NYAP2: variants seen among roughly 807,000 people sequenced by gnomAD.
NYAP2 encodes the protein neuronal tyrosine-phosphorylated phosphoinositide-3-kinase adapter 2.
A neutral mutation model predicts 50.4 loss-of-function variants in NYAP2; 23 were observed. The ratio of observed to expected loss-of-function variants is 0.46; its 90% CI spans 0.33 to 0.65. The LOEUF is 0.65. Among genes scored for constraint, NYAP2 ranks in the 30% least tolerant of loss-of-function variants. NYAP2 has a pLI of 0.02. For missense variants in NYAP2, 885 were observed against 861.0 expected (o/e 1.03, Z -0.35); for synonymous variants, 394 against 365.2 (o/e 1.08, Z -0.90).
At chr2:225,445,986 A>T (rs1689547147) in intron 3 of NYAP2, among the ~76,000 whole-genome samples, 2 of 151,950 alleles carry the variant, frequency 1.3e-5, no homozygotes, top group African/African-American at 4.8e-5. Flanking sequence ...TCATAGAGTT[A>T]TTGTGATTAT....
At chr2:225,595,973 T>A (rs1692590523) in intron 5 of NYAP2, among the ~76,000 whole-genome samples, 1 of 152,192 alleles carries the variant, frequency 6.6e-6, no homozygotes, top group Admixed American at 6.5e-5. Flanking sequence ...CTGATTCTTT[T>A]AAACCTTCAT....
intron 4 of NYAP2, among the ~76,000 whole-genome samples, chr2:225,571,343 A>T (rs1321161864): frequency 6.6e-6 from 1 of 152,182 alleles, no homozygotes; most frequent in Non-Finnish European, 1.5e-5. Flanking sequence ...CCCACCCCAC[A>T]TTTCCCTTCC....
intron 5 of NYAP2, among the ~76,000 whole-genome samples, chr2:225,614,827 G>T (rs1180231987): frequency 2.6e-5 from 4 of 152,304 alleles, no homozygotes; most frequent in South Asian, 2.1e-4. Context: ...TAGTCCAACT[G>T]CTATTGCAAA....
In NYAP2 at chr2:225,493,017, C is replaced by CA. The variant is rs373032067; in HGVS notation, c.222-20353dup. ...TTTTTTTTTTTTTTAGACAGGGTCT[C>CA]ACTGTGTCACCCAGGCTGGAGCGCA... is the stretch of plus-strand genomic sequence containing the variant. On this transcript the variant is annotated intron_variant, in intron 3 of 6. Transcript: ENST00000636099. 3.8e-3 allele frequency among the ~76,000 whole-genome samples: 578 copies of CA among 151,188 alleles called. 5 individuals are homozygous for CA. The highest frequency in any genetic ancestry group is 0.013 in the African/African-American group (547 of 41,122).
At chr2:225,500,916 T>C (rs1295171431) in intron 3 of NYAP2, among the ~76,000 whole-genome samples, 1 of 152,170 alleles carries the variant, frequency 6.6e-6, no homozygotes, top group Non-Finnish European at 1.5e-5. Flanking sequence ...TTTTGCAAAA[T>C]GGGGTACATA....
chr2:225,642,480 A>T (rs1301904684), intron 6 of NYAP2, among the ~76,000 whole-genome samples: 1 of 152,166 alleles, frequency 6.6e-6, no homozygotes, highest in Non-Finnish European at 1.5e-5. Context: ...ACAAGTGTAG[A>T]GAGGTCAAGC....
At chr2:225,446,239 T>TATATA (rs1689556491) in intron 3 of NYAP2, among the ~76,000 whole-genome samples, 1 of 102,864 alleles carries the variant, frequency 9.7e-6, no homozygotes, top group African/African-American at 4.3e-5. Flanking sequence ...TCTCTCTCTC[T>TATATA]CTCTCTCTAT....
chr2:225,689,752 ATTAGAG>A, the NYAP2 span, among the ~76,000 whole-genome samples: 19 of 152,168 alleles, frequency 1.2e-4, no homozygotes, highest in Non-Finnish European at 1.9e-4. Flanking sequence ...TGATCAGTAG[ATTAGAG>A]TTAAAGATGG....
intron 3 of NYAP2, among the ~76,000 whole-genome samples, chr2:225,493,458 A>G (rs1248068192): frequency 1.3e-5 from 2 of 152,232 alleles, no homozygotes; most frequent in Non-Finnish European, 2.9e-5. Flanking sequence ...AGGGTGACCA[A>G]CATAAGGGAA....
intron 4 of NYAP2, among the ~76,000 whole-genome samples, chr2:225,522,229 G>T (rs6724326): frequency 0.013 from 1,951 of 152,032 alleles, 50 homozygotes; most frequent in African/African-American, 0.043. Context: ...GTGTTTACAA[G>T]AACCAGCTAA....
chr2:225,646,713 C>T (rs868793213), intron 6 of NYAP2, among the ~76,000 whole-genome samples: 1 of 152,148 alleles, frequency 6.6e-6, no homozygotes, highest in Non-Finnish European at 1.5e-5. Flanking sequence ...ATGCTGGTAT[C>T]GAACATTAGA....
chr2:225,593,321 T>A (rs1439655831), intron 5 of NYAP2, among the ~76,000 whole-genome samples: 1 of 152,198 alleles, frequency 6.6e-6, no homozygotes, highest in African/African-American at 2.4e-5. Context: ...TATTAGATGC[T>A]AAAACTGAGT....
At chr2:225,675,775 TTC>T in the NYAP2 span, among the ~76,000 whole-genome samples, 1 of 152,146 alleles carries the variant, frequency 6.6e-6, no homozygotes, top group Non-Finnish European at 1.5e-5. Flanking sequence ...TGTATAAGCA[TTC>T]TCTTTTCTCT....
chr2:225,498,399 C>T (rs892771341), intron 3 of NYAP2, among the ~76,000 whole-genome samples: 1 of 151,680 alleles, frequency 6.6e-6, no homozygotes, highest in African/African-American at 2.4e-5. Flanking sequence ...GAAAAGACCC[C>T]AGGGGAGTGG....
Position 225,582,143 on chromosome 2 carries a change from G to T in NYAP2, c.726G>T (p.Glu242Asp). 5 of 1,613,996 alleles carry T rather than the reference G, an allele frequency of 3.1e-6. No individual in the cohort carries two copies. Among genetic ancestry groups the T allele is most frequent in the Non-Finnish European group, 4.2e-6 (5 of 1,179,834 alleles). ...CCGCGGGAGACCCCGAGGAAGAGGA[G>T]CCCGTGTACATCGAGATGGTGGGGA... Residue 242 changes from glutamate (E) to aspartate (D), a missense_variant, in exon 5 of 7, where the codon GAG (glutamate) becomes GAT (aspartate). Transcript: ENST00000636099. This position sits in a 1 kb window ranked among gnomAD's most constrained non-coding sequence, Gnocchi z 7.0.
intron 4 of NYAP2, among the ~76,000 whole-genome samples, chr2:225,541,716 A>G (rs1691476985): frequency 1.3e-5 from 2 of 152,188 alleles, no homozygotes; most frequent in Non-Finnish European, 2.9e-5. Context: ...ATTTGAGGTC[A>G]AGTAATATGA....
intron 3 of NYAP2, 34 bp downstream of exon 3, chr2:225,409,135 C>A: frequency 6.8e-7 from 1 of 1,467,580 alleles, no homozygotes; most frequent in Non-Finnish European, 9.3e-7. Flanking sequence ...GAGTTTTGTG[C>A]ACATGAGAAA....
rs757434376 is a variant in NYAP2 at position 225,581,924 on chromosome 2, GT to G, written c.524-11del. 5 of 1,582,398 alleles carry G rather than the reference GT, an allele frequency of 3.2e-6. No individual in the cohort carries two copies. The highest frequency in any genetic ancestry group is 1.7e-4 in the Middle Eastern group (1 of 5,876). Reference sequence around the variant, plus strand: ...CTATTATACTCATCTATTCCACTACGTTTTTTCTTCTTTTAGCGTCAGCTAA... The same window carrying G: ...CTATTATACTCATCTATTCCACTACGTTTTTCTTCTTTTAGCGTCAGCTAA... On this transcript the variant is annotated splice_polypyrimidine_tract_variant and intron_variant, in intron 4 of 6. Transcript: ENST00000636099.
chr2:225,408,184 C>T (rs1053609872), intron 2 of NYAP2, among the ~76,000 whole-genome samples: 1 of 151,942 alleles, frequency 6.6e-6, no homozygotes, highest in African/African-American at 2.4e-5. Context: ...CAACAGTTGT[C>T]AATGCTTGAA....
Sources: allele counts gnomAD v4.1 joint callset (sites outside exome capture counted in the v4.1 genomes callset), GRCh38; gene constraint gnomAD v4.1.1; non-coding constraint Gnocchi (gnomAD v3.1); transcripts MANE v1.5; gene names NCBI Gene and HGNC (gene_info 2026-07-23, HGNC 2026-07-21).